Variants in SAFB2 observed in about 807,000 individuals in gnomAD.
SAFB2 encodes scaffold attachment factor B2.
A neutral mutation model predicts 100.6 loss-of-function variants in SAFB2; 32 were observed. The ratio of observed to expected loss-of-function variants is 0.32; its 90% CI spans 0.24 to 0.43. SAFB2 has a LOEUF of 0.43. Ranked by LOEUF, SAFB2 falls within the 20% of genes least tolerant of loss-of-function variation. SAFB2 has a pLI of 1.00. For missense variants in SAFB2, 1,185 were observed against 1,163.4 expected (o/e 1.02, Z -0.27); for synonymous variants, 500 against 439.4 (o/e 1.14, Z -1.72).
Position 5,600,213 on chromosome 19 carries a change from T to G in SAFB2, c.1607A>C (p.Lys536Thr), listed in dbSNP as rs1461542170. Residue 536 changes from lysine to threonine, a missense_variant, in exon 12 of 21, where the codon AAG becomes ACG. Around this residue, in one of 3 missense-constraint regions of SAFB2, gnomAD observed 740 missense variants for 687.1 expected, o/e 1.08. Coordinates refer to ENST00000252542, the MANE Select transcript of SAFB2 (RefSeq NM_014649.3). ...EEKIEKKEEKKPEDIKKEEKD... is the reference protein window; with the variant it reads ...EEKIEKKEEKTPEDIKKEEKD... ...TTCTTCCTTCTTAATGTCTTCAGGCTTTTTTTCCTCCTTCTTCTCAATCTT... is the reference window on the plus strand; with the variant it reads ...TTCTTCCTTCTTAATGTCTTCAGGCGTTTTTTCCTCCTTCTTCTCAATCTT... 6.2e-7 allele frequency: 1 copy of G among 1,611,628 alleles called. No homozygotes were observed. Among genetic ancestry groups the G allele is most frequent in the African/African-American group, 1.3e-5 (1 of 74,888 alleles).
At position 5,622,625 on chromosome 19, in the gene SAFB2, T is replaced by G; in HGVS notation, c.91A>C (p.Ser31Arg). Residue 31 changes from serine (S) to arginine (R), a missense_variant, in exon 1 of 21, where the codon AGC (serine) becomes CGC (arginine). Physicochemically the swap from Ser to Arg is moderately radical, Grantham distance 110. Coordinates refer to ENST00000252542, the MANE Select transcript of SAFB2 (RefSeq NM_014649.3). ...CGCAGATCGATCACCCGCAGCTCGCTGAGCCGCCTCGTCCCAGTCTCCGCA... is the reference window on the plus strand; with the variant it reads ...CGCAGATCGATCACCCGCAGCTCGCGGAGCCGCCTCGTCCCAGTCTCCGCA... ...GVAETGTRRL[S>R]ELRVIDLRAE... 4 of 1,612,232 alleles carry G rather than the reference T, an allele frequency of 2.5e-6. No homozygotes were observed. Among genetic ancestry groups the G allele is most frequent in the Non-Finnish European group, 3.4e-6 (4 of 1,179,544 alleles).
At chr19:5,612,668 T>A in intron 5 of SAFB2, 101 bp from the exon 6 acceptor site, 1 of 897,096 alleles carries the variant, frequency 1.1e-6, no homozygotes, top group South Asian at 1.4e-5. Context: ...AATAAATGCC[T>A]GTTTCCACAA....
rs761170782 is a variant in SAFB2 at position 5,593,936 on chromosome 19, T to C, written c.2162A>G (p.Tyr721Cys). 20 of 1,552,260 alleles carry C rather than the reference T, an allele frequency of 1.3e-5. No individual in the cohort carries two copies. The highest frequency in any genetic ancestry group is 1.2e-5 in the South Asian group (1 of 82,938). The part of the protein sequence containing the change: ...ELRRQQEQLR[Y>C]EQERRPGRRP... ...CCGCCCGGGCCGCCGCTCCTGCTCGTAACGCAGCTGCTCCTGCTGGCGCCG... is the reference window on the plus strand; with the variant it reads ...CCGCCCGGGCCGCCGCTCCTGCTCGCAACGCAGCTGCTCCTGCTGGCGCCG... The change falls in exon 15 of 21, where the codon TAC becomes TGC. Residue 721 changes from tyrosine to cysteine, a missense_variant. Around this residue, in one of 3 missense-constraint regions of SAFB2, gnomAD observed 740 missense variants for 687.1 expected, o/e 1.08. Transcript: ENST00000252542.
chr19:5,598,045 G>T (rs1310673881), intron 13 of SAFB2, among the ~76,000 whole-genome samples: 1 of 151,176 alleles, frequency 6.6e-6, no homozygotes, highest in Non-Finnish European at 1.5e-5. Context: ...GCTGAGGCAG[G>T]AGTCGCTTGA....
intron 7 of SAFB2, 158 bp from the exon 8 acceptor site, chr19:5,610,846 C>T: frequency 1.3e-6 from 1 of 754,824 alleles, no homozygotes; most frequent in Non-Finnish European, 2.1e-6. Flanking sequence ...AAATCTGACC[C>T]CAAAAATACA....
At chr19:5,608,852 A>G (rs1213640586) in intron 9 of SAFB2, among the ~76,000 whole-genome samples, 1 of 152,162 alleles carries the variant, frequency 6.6e-6, no homozygotes, top group Non-Finnish European at 1.5e-5. Flanking sequence ...GTTGGAGACC[A>G]GTCTGGCCAA....
At chr19:5,601,750 G>A (rs1379247305) in intron 11 of SAFB2, among the ~76,000 whole-genome samples, 3 of 136,610 alleles carry the variant, frequency 2.2e-5, no homozygotes, top group Non-Finnish European at 4.9e-5. Flanking sequence ...AAATAAGAAG[G>A]ACCTTTAGAT....
intron 6 of SAFB2, 117 bp from the exon 7 acceptor site, chr19:5,611,747 CAG>C (rs1185995389): frequency 8.2e-6 from 4 of 486,502 alleles, no homozygotes; most frequent in Non-Finnish European, 1.6e-5. Context: ...GCTAGCTACA[CAG>C]AGATTGGAAA....
intron 6 of SAFB2, 99 bp downstream of exon 6, chr19:5,612,441 C>G: frequency 9.2e-7 from 1 of 1,087,846 alleles, no homozygotes; most frequent in Non-Finnish European, 1.4e-6. Flanking sequence ...ACCATTAGAG[C>G]AATTTACAAG....
chr19:5,601,955 T>A (rs2052667897), intron 11 of SAFB2, among the ~76,000 whole-genome samples: 1 of 152,142 alleles, frequency 6.6e-6, no homozygotes, highest in Non-Finnish European at 1.5e-5. Flanking sequence ...GCTTTCTGTA[T>A]AACAACTGTA....
In SAFB2 at chr19:5,587,039, G is replaced by A. The variant is rs2052264732; in HGVS notation, c.*204C>T. Reference sequence around the variant, plus strand: ...TTATTAATGGAAAATGGAATGCCTCGTTAACAGAAACCTTGATTTAAAAAT... The same window carrying A: ...TTATTAATGGAAAATGGAATGCCTCATTAACAGAAACCTTGATTTAAAAAT... On this transcript the variant is annotated 3_prime_UTR_variant, in exon 21 of 21. Coordinates refer to ENST00000252542, the MANE Select transcript of SAFB2 (RefSeq NM_014649.3). The surrounding 1 kb of genome is among the most constrained non-coding windows in gnomAD (Gnocchi z 4.9). 4.3e-6 allele frequency: 3 copies of A among 700,620 alleles called. No homozygotes were observed. The highest frequency in any genetic ancestry group is 4.4e-5 in the South Asian group (2 of 45,594). 43.4% of individuals were successfully genotyped at this position (700,620 alleles called of 1,614,324 possible).
Position 5,621,487 on chromosome 19 carries a change from C to CA in SAFB2, c.187-92dup. On this transcript the variant is annotated intron_variant, in intron 1 of 20. Transcript: ENST00000252542. Reference sequence around the variant, plus strand: ...GTAACAACCTCCCATGAAACAAAGGCAAACCCGTCCTTGCAAAGAGCAACT... The same window carrying CA: ...GTAACAACCTCCCATGAAACAAAGGCAAAACCCGTCCTTGCAAAGAGCAACT... 5 of 873,294 alleles carry CA rather than the reference C, an allele frequency of 5.7e-6. No homozygotes were observed. In the South Asian group the frequency reaches 6.6e-5, roughly 12 times the overall value. 54.1% of individuals were successfully genotyped at this position (873,294 alleles called of 1,614,324 possible).
At chr19:5,613,360 C>G in intron 5 of SAFB2, 105 bp downstream of exon 5, 1 of 1,021,710 alleles carries the variant, frequency 9.8e-7, no homozygotes, top group Non-Finnish European at 1.5e-6. Flanking sequence ...CAGCATCCAG[C>G]ACAGTATCCA....
intron 1 of SAFB2, among the ~76,000 whole-genome samples, chr19:5,622,042 GACA>G (rs1184588064): frequency 1.3e-5 from 2 of 152,354 alleles, no homozygotes; most frequent in East Asian, 1.9e-4. Context: ...GACCCAAAAT[GACA>G]ACAAGGGGCC....
rs35472223 is a variant in SAFB2 at position 5,602,479 on chromosome 19, CAAAAAAAAA to C, written c.1559+2095_1559+2103del. ...TGGGTGACAGAGCGAGACTCTGTCT[CAAAAAAAAA>C]AAAAAAAAAAAAAAAAAATCTTAAG... On this transcript the variant is annotated intron_variant, in intron 11 of 20. Transcript: ENST00000252542. Among the ~76,000 whole-genome samples the C allele has an allele frequency of 2.5e-4, 10 of 39,524 alleles. No individual in the cohort carries two copies. The South Asian group carries it at 6.1e-3, about 24-fold the overall frequency. 25.9% of individuals were successfully genotyped at this position (39,524 alleles called of 152,430 possible).
intron 15 of SAFB2, 74 bp downstream of exon 15, chr19:5,593,817 C>T (rs962729561): frequency 7.7e-5 from 104 of 1,356,270 alleles, no homozygotes; most frequent in Non-Finnish European, 9.5e-5. Context: ...GAAGGGAAGC[C>T]GCTGTTCTGC....
chr19:5,587,104 G>GT lies in SAFB2; in HGVS notation c.*138dup. On this transcript the variant is annotated 3_prime_UTR_variant, in exon 21 of 21. Transcript: ENST00000252542. The surrounding 1 kb of genome is among the most constrained non-coding windows in gnomAD (Gnocchi z 4.9). Reference sequence around the variant, plus strand: ...ACATTTATTTAAAAAAAAAAAAAAAGTGAGTTCACATTGTATTGAGCTACA... The same window carrying GT: ...ACATTTATTTAAAAAAAAAAAAAAAGTTGAGTTCACATTGTATTGAGCTACA... 1 of 962,954 alleles carries GT rather than the reference G, an allele frequency of 1.0e-6. No individual in the cohort carries two copies. The highest frequency in any genetic ancestry group is 1.5e-6 in the Non-Finnish European group (1 of 678,192). The allele number at this position is 962,954 out of a possible 1,614,324, so 59.7% of individuals were successfully genotyped here.
At position 5,613,465 on chromosome 19, in the gene SAFB2, C is replaced by T. The variant is rs775548479; in HGVS notation, c.606G>A (p.Pro202=). 68 of 1,611,360 alleles carry T rather than the reference C, an allele frequency of 4.2e-5. No individual in the cohort carries two copies. The highest frequency in any genetic ancestry group is 1.7e-4 in the Middle Eastern group (1 of 6,050). Residue 202 remains proline (P), a splice_region_variant and synonymous_variant, in exon 5 of 21, where the codon CCG becomes CCA. Transcript: ENST00000252542. ...ETSSLNFKVT[P]DIEESLLEPE... ...GATGCAGAACCAGATGGTAACTTAC[C>T]GGAGTTACTTTGAAGTTCAACGATG...
intron 13 of SAFB2, among the ~76,000 whole-genome samples, chr19:5,596,907 A>G (rs1406376316): frequency 6.6e-6 from 1 of 152,208 alleles, no homozygotes; most frequent in East Asian, 1.9e-4. Flanking sequence ...GCAATGAAAA[A>G]CAAACCAACC....
Sources: allele counts gnomAD v4.1 joint callset (sites outside exome capture counted in the v4.1 genomes callset), GRCh38; gene constraint gnomAD v4.1.1; regional missense constraint gnomAD v4.1.1; non-coding constraint Gnocchi (gnomAD v3.1); transcripts MANE v1.5; gene names NCBI Gene and HGNC (gene_info 2026-07-23, HGNC 2026-07-21).